Variants in PPFIBP2 observed in about 807,000 individuals in gnomAD.
The protein encoded by PPFIBP2 is PPFIB scaffold protein 2.
Under a neutral mutation model 118.3 loss-of-function variants are expected in PPFIBP2, and 118 were observed. The observed-to-expected ratio is 1.00, with a 90% CI of 0.86 to 1.16. PPFIBP2 has a LOEUF of 1.16. Ranked by LOEUF, PPFIBP2 falls within the 50% of genes most tolerant of loss-of-function variation. PPFIBP2 has a pLI of 0.00. For missense variants in PPFIBP2, 1,195 were observed against 1,073.1 expected (o/e 1.11, Z -1.59); for synonymous variants, 414 against 397.4 (o/e 1.04, Z -0.50).
chr11:7,537,253 G>T (rs1487610602), intron 1 of PPFIBP2, among the ~76,000 whole-genome samples: 1 of 152,230 alleles, frequency 6.6e-6, no homozygotes, highest in African/African-American at 2.4e-5. Flanking sequence ...CTACATCTTT[G>T]TAAAACAGGG....
chr11:7,594,350 A>T (rs1428825285), intron 4 of PPFIBP2, among the ~76,000 whole-genome samples: 1 of 151,632 alleles, frequency 6.6e-6, no homozygotes, highest in African/African-American at 2.4e-5. Context: ...CCAGTTTTGT[A>T]TTTTTCTTCA....
chr11:7,542,080 A>G (rs1378497686), intron 1 of PPFIBP2, among the ~76,000 whole-genome samples: 1 of 152,166 alleles, frequency 6.6e-6, no homozygotes, highest in Non-Finnish European at 1.5e-5. Flanking sequence ...ATCCTTTTAA[A>G]AGGTTAAGTC....
At chr11:7,615,904 A>G (rs987500850) in intron 6 of PPFIBP2, among the ~76,000 whole-genome samples, 41 of 152,220 alleles carry the variant, frequency 2.7e-4, no homozygotes, top group Admixed American at 2.4e-3. Context: ...ATAGAGGAAG[A>G]CCCAAGAATA....
intron 6 of PPFIBP2, among the ~76,000 whole-genome samples, chr11:7,614,160 G>A (rs61888788): frequency 0.11 from 16,687 of 152,142 alleles, 1,034 homozygotes; most frequent in African/African-American, 0.16. Flanking sequence ...TTACTCATTT[G>A]CATCAGTGTA....
chr11:7,538,348 C>T (rs531209123), intron 1 of PPFIBP2: 1 of 152,628 alleles, frequency 6.6e-6, no homozygotes, highest in South Asian at 2.1e-4. Flanking sequence ...TTCGGGGCAC[C>T]CGGAGGTGAG....
intron 2 of PPFIBP2, among the ~76,000 whole-genome samples, chr11:7,555,933 T>C (rs995410981): frequency 3.9e-5 from 6 of 152,016 alleles, no homozygotes; most frequent in African/African-American, 1.5e-4. Context: ...CTTTTAATGG[T>C]GTGGACAGGT....
chr11:7,566,551 G>A (rs1159986332), intron 3 of PPFIBP2, among the ~76,000 whole-genome samples: 1 of 152,044 alleles, frequency 6.6e-6, no homozygotes, highest in Non-Finnish European at 1.5e-5. Flanking sequence ...TTGTGTGTGT[G>A]GAGATGGGGT....
chr11:7,552,379 G>A (rs553752273), intron 2 of PPFIBP2, among the ~76,000 whole-genome samples: 78 of 152,262 alleles, frequency 5.1e-4, no homozygotes, highest in African/African-American at 1.8e-3. Context: ...TCTTTTCTGG[G>A]GACGGGGTAG....
intron 22 of PPFIBP2, 21 bp downstream of exon 22, chr11:7,650,986 G>A: frequency 6.2e-7 from 1 of 1,608,438 alleles, no homozygotes; most frequent in Non-Finnish European, 8.5e-7. Flanking sequence ...CTCTGGCCTA[G>A]CCCACCTGCC....
chr11:7,649,692 G>A, intron 21 of PPFIBP2, 38 bp downstream of exon 21: 1 of 1,611,532 alleles, frequency 6.2e-7, no homozygotes, highest in South Asian at 1.1e-5. Flanking sequence ...GTAGCCCTGA[G>A]CCAGGACCCC....
chr11:7,630,722 A>T (rs1233933727), intron 10 of PPFIBP2, among the ~76,000 whole-genome samples: 4 of 152,296 alleles, frequency 2.6e-5, no homozygotes, highest in Non-Finnish European at 4.4e-5. Context: ...TGTTCTGCAG[A>T]TAAACTTTGA....
At chr11:7,610,034 A>C (rs1250428612) in intron 5 of PPFIBP2, among the ~76,000 whole-genome samples, 1 of 152,236 alleles carries the variant, frequency 6.6e-6, no homozygotes, top group East Asian at 1.9e-4. Flanking sequence ...AATGGTCTCT[A>C]TGGGCAAACA....
intron 6 of PPFIBP2, chr11:7,617,416 C>A: frequency 1.8e-6 from 1 of 554,212 alleles, no homozygotes; most frequent in Non-Finnish European, 2.3e-6. Flanking sequence ...GTTGTTACCT[C>A]TGGGCAGAGC....
chr11:7,641,014 G>T, intron 15 of PPFIBP2: 2 of 1,273,718 alleles, frequency 1.6e-6, no homozygotes, highest in Middle Eastern at 2.1e-4. Context: ...TGGCTTCTCT[G>T]CTTCTTGGTT....
chr11:7,549,988 A>G (rs955123525), intron 2 of PPFIBP2, among the ~76,000 whole-genome samples: 19 of 152,352 alleles, frequency 1.2e-4, no homozygotes, highest in Middle Eastern at 3.4e-3. Flanking sequence ...TATTGATTCA[A>G]TTAATGATTC....
chr11:7,666,206 G>T, the PPFIBP2 span: 2 of 579,950 alleles, frequency 3.4e-6, no homozygotes, highest in Non-Finnish European at 6.2e-6. Flanking sequence ...CCCTTTTGAT[G>T]TTCAGTGCAG....
At chr11:7,579,734 A>G (rs1856980217) in intron 3 of PPFIBP2, among the ~76,000 whole-genome samples, 1 of 152,200 alleles carries the variant, frequency 6.6e-6, no homozygotes, top group South Asian at 2.1e-4. Context: ...TCCTGTGGAC[A>G]GTTGGAAGTT....
intron 7 of PPFIBP2, among the ~76,000 whole-genome samples, chr11:7,624,163 C>T (rs1417887834): frequency 1.3e-5 from 2 of 152,160 alleles, no homozygotes; most frequent in Non-Finnish European, 2.9e-5. Context: ...TAAGAGTGGC[C>T]TTCATCTGTC....
chr11:7,577,345 G>GTGTGTGTC (rs1256369683), intron 3 of PPFIBP2: 3 of 333,724 alleles, frequency 9.0e-6, no homozygotes, highest in East Asian at 7.7e-5. Context: ...GTGTGTGTGT[G>GTGTGTGTC]TGTGTGTTTG....
Sources: gnomAD v4.1 joint callset for allele counts (sites outside exome capture counted in the v4.1 genomes callset) on GRCh38, gnomAD v4.1.1 for gene constraint, MANE v1.5 for transcripts, NCBI Gene and HGNC (gene_info 2026-07-23, HGNC 2026-07-21) for gene names.